NIPBL: variants seen among roughly 807,000 people sequenced by gnomAD.
NIPBL encodes the protein nipped-B-like protein.
NIPBL carries 19 observed loss-of-function variants against 321.8 expected under a neutral mutation model. The ratio of observed to expected loss-of-function variants is 0.06; its 90% CI spans 0.04 to 0.09. The LOEUF (loss-of-function observed/expected upper bound fraction) is 0.09. NIPBL is among the 10% of genes least tolerant of loss of function. The pLI, the probability that NIPBL is intolerant of heterozygous loss-of-function variation, is 1.00. For synonymous variants in NIPBL, 1,106 were observed against 1,114.1 expected (o/e 0.99, Z 0.14); for missense variants, 2,210 against 3,327.0 (o/e 0.66, Z 8.26).
intron 4 of NIPBL, among the ~76,000 whole-genome samples, 180 bp downstream of exon 4, chr5:36,958,411 T>G (rs1428372387): frequency 6.6e-6 from 1 of 152,242 alleles, no homozygotes. Flanking sequence ...ACTAAATTCC[T>G]TGAGAATTAG....
At chr5:37,053,148 C>A (rs1471050810) in intron 42 of NIPBL, among the ~76,000 whole-genome samples, 1 of 152,122 alleles carries the variant, frequency 6.6e-6, no homozygotes, top group Non-Finnish European at 1.5e-5. Context: ...TAGGCGATTT[C>A]TTTGTGGGGT....
At position 36,951,115 on chromosome 5, in the gene NIPBL, A is replaced by G. The variant is rs565464169; in HGVS notation, c.-79-2503A>G. On this transcript the variant is annotated intron_variant, in intron 1 of 46. Coordinates refer to ENST00000282516, the MANE Select transcript of NIPBL (RefSeq NM_133433.4). ...GTTGCTCTCCCGCCCTTTCCCCTTT[A>G]CTCCCAGTGTTTACTTGACATCATT... Among the ~76,000 whole-genome samples, 6 of 151,712 alleles carry G rather than the reference A, an allele frequency of 4.0e-5. 1 individual carries two copies. In the East Asian group the frequency reaches 1.2e-3, roughly 29 times the overall value.
At position 36,958,088 on chromosome 5, in the gene NIPBL, A is replaced by G. The variant is rs962792911; in HGVS notation, c.231-16A>G. ...GTCACCATTTTAATTTTTGATACTTATTTTCTCAATGCCAGAGAGTTGAAA... is the reference window on the plus strand; with the variant it reads ...GTCACCATTTTAATTTTTGATACTTGTTTTCTCAATGCCAGAGAGTTGAAA... On this transcript the variant is annotated splice_polypyrimidine_tract_variant and intron_variant, in intron 3 of 46. Coordinates refer to ENST00000282516, the MANE Select transcript of NIPBL (RefSeq NM_133433.4). The G allele has an allele frequency of 8.1e-6, 13 of 1,612,780 alleles. No homozygotes were observed. Among genetic ancestry groups the G allele is most frequent in the Non-Finnish European group, 1.1e-5 (13 of 1,179,254 alleles).
Position 36,877,032 on chromosome 5 carries a change from C to T in NIPBL, c.-226C>T. 1 of 368,210 alleles carries T rather than the reference C, an allele frequency of 2.7e-6. No homozygotes were observed. The highest frequency in any genetic ancestry group is 4.0e-5 in the East Asian group (1 of 24,912). 22.8% of individuals were successfully genotyped at this position (368,210 alleles called of 1,614,324 possible). ...GGAAGAAGAAGCAACGATTTGTCTT[C>T]TCGGCTGGTCTCCCCCCGGCTCTAC... On this transcript the variant is annotated 5_prime_UTR_variant, in exon 1 of 47. Transcript: ENST00000282516.
intron 32 of NIPBL, among the ~76,000 whole-genome samples, chr5:37,034,521 G>A (rs998250808): frequency 6.6e-6 from 1 of 152,154 alleles, no homozygotes; most frequent in Admixed American, 6.5e-5. Context: ...GGCACACAGT[G>A]GGGTGTTGTA....
intron 1 of NIPBL, among the ~76,000 whole-genome samples, chr5:36,930,129 A>G (rs1211677629): frequency 6.6e-6 from 1 of 152,064 alleles, no homozygotes; most frequent in Non-Finnish European, 1.5e-5. Context: ...TGGGATTTTG[A>G]AAAAGATTAT....
intron 32 of NIPBL, among the ~76,000 whole-genome samples, chr5:37,034,187 C>T (rs888888455): frequency 2.6e-5 from 4 of 152,096 alleles, no homozygotes; most frequent in African/African-American, 9.7e-5. Context: ...CCACATTCTA[C>T]ACCATTTTAT....
At chr5:36,965,648 A>G (rs1280953084) in intron 6 of NIPBL, among the ~76,000 whole-genome samples, 6 of 152,098 alleles carry the variant, frequency 3.9e-5, no homozygotes, top group East Asian at 3.8e-4. Flanking sequence ...TTATATTTCA[A>G]AATAGCTGGA....
intron 32 of NIPBL, among the ~76,000 whole-genome samples, chr5:37,035,317 T>C (rs562726244): frequency 8.5e-5 from 13 of 152,142 alleles, no homozygotes; most frequent in Non-Finnish European, 1.8e-4. Flanking sequence ...TTAAGGAAAT[T>C]AGAGAATGGG....
chr5:36,902,286 G>A (rs570168002), intron 1 of NIPBL, among the ~76,000 whole-genome samples: 7 of 152,170 alleles, frequency 4.6e-5, no homozygotes, highest in Admixed American at 4.6e-4. Context: ...GCCAATTTTT[G>A]TTTTTGTTGC....
Position 37,059,052 on chromosome 5 carries a change from A to T in NIPBL, c.7572A>T (p.Lys2524Asn). 2.5e-6 allele frequency: 4 copies of T among 1,614,214 alleles called. No homozygotes were observed. The highest frequency in any genetic ancestry group is 8.5e-7 in the Non-Finnish European group (1 of 1,180,034). The change falls in exon 44 of 47, where the codon AAA (lysine) becomes AAT (asparagine). Residue 2524 changes from lysine (K) to asparagine (N), a missense_variant. Physicochemically the swap from Lys to Asn is moderately conservative, Grantham distance 94 (BLOSUM62 0). Transcript: ENST00000282516. ...DSEDDINSVM[K>N]CLPENSAPLI... ...AAGACGATATAAATTCAGTGATGAA[A>T]TGTTTGCCAGAAAATTCAGCTCCTT... is the stretch of plus-strand genomic sequence containing the variant.
rs566952889 is a variant in NIPBL, at chr5:37,016,775, G to A, written c.4777-244G>A. On this transcript the variant is annotated intron_variant, in intron 23 of 46. Transcript: ENST00000282516. Reference sequence around the variant, plus strand: ...CATTTTGTGCAAATAATACAGTTGAGCCTGCATATTTAATGAGTTGTGTTG... The same window carrying A: ...CATTTTGTGCAAATAATACAGTTGAACCTGCATATTTAATGAGTTGTGTTG... Among the ~76,000 whole-genome samples, 10 of 152,064 alleles carry A rather than the reference G, an allele frequency of 6.6e-5. No individual in the cohort carries two copies. The East Asian group carries it at 1.9e-3, about 29-fold the overall frequency.
At chr5:37,019,051 C>T (rs770649088) in intron 24 of NIPBL, among the ~76,000 whole-genome samples, 9 of 152,056 alleles carry the variant, frequency 5.9e-5, no homozygotes, top group South Asian at 2.1e-4. Context: ...TGCAGTGAGC[C>T]GAGATAGTGC....
intron 31 of NIPBL, 147 bp downstream of exon 31, chr5:37,026,474 G>A (rs1183712644): frequency 2.9e-6 from 2 of 680,062 alleles, no homozygotes; most frequent in Non-Finnish European, 2.7e-6. Context: ...TTCTGGAGAT[G>A]CTGAAGGGAT....
intron 6 of NIPBL, among the ~76,000 whole-genome samples, chr5:36,964,752 A>G (rs1020192546): frequency 1.3e-5 from 2 of 152,180 alleles, no homozygotes; most frequent in African/African-American, 4.8e-5. Flanking sequence ...AACCTACAGA[A>G]TGGGAGAAAA....
intron 1 of NIPBL, among the ~76,000 whole-genome samples, chr5:36,881,535 A>G (rs1050549678): frequency 2.6e-5 from 4 of 151,976 alleles, no homozygotes; most frequent in Admixed American, 6.5e-5. Flanking sequence ...ATAATTATCT[A>G]CAATGTACAG....
At chr5:36,952,082 G>A (rs538734888) in intron 1 of NIPBL, among the ~76,000 whole-genome samples, 1 of 149,888 alleles carries the variant, frequency 6.7e-6, no homozygotes. Context: ...GCATGTGTGT[G>A]TGTAGCAGTT....
intron 1 of NIPBL, among the ~76,000 whole-genome samples, chr5:36,920,184 A>G (rs1439590774): frequency 6.6e-6 from 1 of 152,198 alleles, no homozygotes; most frequent in Admixed American, 6.5e-5. Flanking sequence ...ACAAATGCAT[A>G]TGTTTTCAGA....
chr5:36,945,235 T>C (rs748061130), intron 1 of NIPBL, among the ~76,000 whole-genome samples: 1 of 152,070 alleles, frequency 6.6e-6, no homozygotes, highest in Non-Finnish European at 1.5e-5. Flanking sequence ...TAGTTTGTAG[T>C]TTTGTGTAGT....
Sources: allele counts gnomAD v4.1 joint callset (sites outside exome capture counted in the v4.1 genomes callset), GRCh38; gene constraint gnomAD v4.1.1; transcripts MANE v1.5; gene names NCBI Gene and HGNC (gene_info 2026-07-23, HGNC 2026-07-21).